MALRD1: variants seen among roughly 807,000 people sequenced by gnomAD.
MALRD1 encodes MAM and LDL-receptor class A domain-containing protein 1.
MALRD1 carries 247 observed loss-of-function variants against 242.1 expected under a neutral mutation model. That is an observed-to-expected ratio of 1.02 (90% CI 0.92 to 1.13). MALRD1 has a LOEUF of 1.13. MALRD1 is among the 50% of genes most tolerant of loss of function. MALRD1 has a pLI of 0.00. For synonymous variants in MALRD1, 995 were observed against 866.6 expected, an observed-to-expected ratio of 1.15 and a Z score of -2.60; for missense variants, 2,989 against 2,533.1, an observed-to-expected ratio of 1.18 and a Z score of -3.86.
intron 36 of MALRD1, among the ~76,000 whole-genome samples, chr10:19,659,681 T>C (rs1054727007): frequency 1.3e-5 from 2 of 152,136 alleles, no homozygotes; most frequent in African/African-American, 4.8e-5. Flanking sequence ...CTAACATAAT[T>C]GTAAGATTAC....
intron 26 of MALRD1, among the ~76,000 whole-genome samples, chr10:19,382,963 T>C (rs1845901254): frequency 6.6e-6 from 1 of 152,180 alleles, no homozygotes; most frequent in African/African-American, 2.4e-5. Flanking sequence ...TATTAAATGT[T>C]TTATGCAAAT....
intron 38 of MALRD1, 130 bp downstream of exon 38, chr10:19,692,684 G>C: frequency 1.5e-6 from 1 of 660,196 alleles, no homozygotes. Flanking sequence ...CTGCTTTATG[G>C]ATTTATTTTT....
chr10:19,569,693 T>G (rs923631965), intron 33 of MALRD1, among the ~76,000 whole-genome samples: 1 of 147,194 alleles, frequency 6.8e-6, no homozygotes, highest in Non-Finnish European at 1.5e-5. Context: ...TATATATTGT[T>G]AATATTATTA....
At chr10:19,386,987 A>G (rs1326782994) in intron 26 of MALRD1, among the ~76,000 whole-genome samples, 3 of 152,152 alleles carry the variant, frequency 2.0e-5, no homozygotes, top group Non-Finnish European at 4.4e-5. Context: ...TAGACAAATA[A>G]ATATGCATTT....
intron 24 of MALRD1, among the ~76,000 whole-genome samples, chr10:19,342,161 A>T (rs1378550051): frequency 6.6e-6 from 1 of 152,046 alleles, no homozygotes; most frequent in Non-Finnish European, 1.5e-5. Context: ...ATCATTTCGT[A>T]ATTAGTGCTC....
At chr10:19,341,547 TACAC>T (rs1169914956) in intron 24 of MALRD1, among the ~76,000 whole-genome samples, 43 of 143,720 alleles carry the variant, frequency 3.0e-4, no homozygotes, top group Non-Finnish European at 5.1e-4. Flanking sequence ...CACATATATA[TACAC>T]ACACACGTAT....
intron 21 of MALRD1, among the ~76,000 whole-genome samples, chr10:19,313,512 C>T (rs1842516531): frequency 6.6e-6 from 1 of 151,058 alleles, no homozygotes; most frequent in Non-Finnish European, 1.5e-5. Context: ...TTGAATGTTT[C>T]TAGTATGAAG....
chr10:19,138,423 T>C (rs1470282631), intron 10 of MALRD1, among the ~76,000 whole-genome samples: 2 of 68,640 alleles, frequency 2.9e-5, no homozygotes, highest in Non-Finnish European at 8.2e-5. Context: ...ACGTATTTAA[T>C]TTTTTTTTTT....
chr10:19,113,768 C>T (rs1039474578), intron 5 of MALRD1, among the ~76,000 whole-genome samples: 1 of 150,154 alleles, frequency 6.7e-6, no homozygotes, highest in African/African-American at 2.5e-5. Context: ...TAGACTATCC[C>T]TCCACATTGC....
At chr10:19,514,939 A>G (rs988497575) in intron 31 of MALRD1, among the ~76,000 whole-genome samples, 1 of 152,158 alleles carries the variant, frequency 6.6e-6, no homozygotes, top group African/African-American at 2.4e-5. Flanking sequence ...ACTTAAAAAT[A>G]ATTCCCTTCT....
intron 32 of MALRD1, among the ~76,000 whole-genome samples, chr10:19,555,323 T>A (rs1004500206): frequency 6.6e-6 from 1 of 152,020 alleles, no homozygotes; most frequent in East Asian, 1.9e-4. Context: ...GGGACAAACA[T>A]CTAAACCCCA....
intron 27 of MALRD1, among the ~76,000 whole-genome samples, chr10:19,388,300 A>G (rs1846173810): frequency 6.6e-6 from 1 of 152,228 alleles, no homozygotes; most frequent in South Asian, 2.1e-4. Flanking sequence ...AACTGGGGTT[A>G]GAACTCTGGC....
intron 7 of MALRD1, among the ~76,000 whole-genome samples, chr10:19,125,358 TTTCTTTCTTTCTTTCTTTCTTTCC>T (rs1323116232): frequency 5.1e-4 from 60 of 117,066 alleles, no homozygotes; most frequent in Middle Eastern, 4.4e-3. Flanking sequence ...TCTTTCTTTC[TTTCTTTCTTTCTTTCTTTCTTTCC>T]TTCCTTCCTT....
chr10:19,149,111 T>C (rs1833842474), intron 11 of MALRD1, among the ~76,000 whole-genome samples: 1 of 151,436 alleles, frequency 6.6e-6, no homozygotes, highest in African/African-American at 2.4e-5. Context: ...TATCTATCTA[T>C]CTATCTATCT....
At position 19,357,117 on chromosome 10, in the gene MALRD1, A is replaced by AT. The variant is rs1010703801; in HGVS notation, c.4441+4820_4441+4821insT. Among the ~76,000 whole-genome samples, 13 of 151,118 alleles carry AT rather than the reference A, an allele frequency of 8.6e-5. 1 individual carries two copies. Among genetic ancestry groups the AT allele is most frequent in the Admixed American group, 4.6e-4 (7 of 15,086 alleles). On this transcript the variant is annotated intron_variant, in intron 26 of 39. Coordinates refer to ENST00000454679, the MANE Select transcript of MALRD1 (RefSeq NM_001142308.3). Reference sequence around the variant, plus strand: ...AGAGTGAGACTCTGTCTGAAAAAAAAAAATAAAAAACAAAACAAAAAATGC... The same window carrying AT: ...AGAGTGAGACTCTGTCTGAAAAAAAATAAATAAAAAACAAAACAAAAAATGC...
chr10:19,655,706 TA>T (rs977645982), intron 36 of MALRD1, among the ~76,000 whole-genome samples: 6 of 151,812 alleles, frequency 4.0e-5, no homozygotes, highest in African/African-American at 1.5e-4. Context: ...TTAGAGTAGG[TA>T]GTGATTGAAA....
intron 5 of MALRD1, among the ~76,000 whole-genome samples, chr10:19,115,145 C>T (rs1836825544): frequency 6.6e-6 from 1 of 152,192 alleles, no homozygotes; most frequent in Admixed American, 6.5e-5. Context: ...CTGCTGACAT[C>T]ATTAAAACTA....
intron 26 of MALRD1, among the ~76,000 whole-genome samples, chr10:19,369,143 A>AAT (rs1845249684): frequency 1.4e-5 from 2 of 143,056 alleles, no homozygotes; most frequent in Admixed American, 7.2e-5. Context: ...ATTTAAATTT[A>AAT]ATATTATATA....
intron 29 of MALRD1, among the ~76,000 whole-genome samples, chr10:19,468,231 A>C (rs1456829477): frequency 6.6e-6 from 1 of 152,216 alleles, no homozygotes; most frequent in Non-Finnish European, 1.5e-5. Flanking sequence ...TAAACTATGG[A>C]ATTAGGTGAT....
Sources: gnomAD v4.1 joint callset for allele counts (sites outside exome capture counted in the v4.1 genomes callset) on GRCh38, gnomAD v4.1.1 for gene constraint, MANE v1.5 for transcripts, NCBI Gene and HGNC (gene_info 2026-07-23, HGNC 2026-07-21) for gene names.